Variants in MAST4 observed in about 807,000 individuals in gnomAD.
MAST4 encodes the protein microtubule associated serine/threonine kinase family member 4.
A neutral mutation model predicts 162.7 loss-of-function variants in MAST4; 89 were observed. The observed-to-expected ratio is 0.55, with a 90% CI of 0.46 to 0.65. The LOEUF is 0.65. Ranked by LOEUF, MAST4 falls within the 30% of genes least tolerant of loss-of-function variation. MAST4 has a pLI of 0.00. For synonymous variants in MAST4, 1,479 were observed against 1,361.1 expected (o/e 1.09, Z -1.91); for missense variants, 3,153 against 3,374.0 (o/e 0.93, Z 1.62).
Position 67,152,688 on chromosome 5 carries a change from C to T in MAST4, c.3347C>T (p.Ser1116Phe). 1 of 1,614,068 alleles carries T rather than the reference C, an allele frequency of 6.2e-7. No individual in the cohort carries two copies. Among genetic ancestry groups the T allele is most frequent in the Non-Finnish European group, 8.5e-7 (1 of 1,179,908 alleles). ...AGTCCAATGTCTCCCCATTCCCTGTCCTCGGACCCTTCTTCTTCACGAGAT... is the reference window on the plus strand; with the variant it reads ...AGTCCAATGTCTCCCCATTCCCTGTTCTCGGACCCTTCTTCTTCACGAGAT... Reference protein sequence around the residue: ...LGSPMSPHSLSSDPSSSRDSS... With the variant: ...LGSPMSPHSLFSDPSSSRDSS... The change falls in exon 25 of 29, where the codon TCC becomes TTC. Residue 1116 changes from serine (S) to phenylalanine (F), a missense_variant. Ser to Phe is a radical substitution (Grantham distance 155). Coordinates refer to ENST00000403625, the MANE Select transcript of MAST4 (RefSeq NM_001164664.2).
At chr5:66,914,844 A>C (rs1026992383) in intron 4 of MAST4, among the ~76,000 whole-genome samples, 5 of 152,130 alleles carry the variant, frequency 3.3e-5, no homozygotes, top group Admixed American at 6.5e-5. Flanking sequence ...ACTGTCTTCT[A>C]GTGGAGAGAG....
chr5:66,725,974 G>A lies in MAST4; in HGVS notation c.364-33735G>A, dbSNP rs182755549. 5.8e-3 allele frequency among the ~76,000 whole-genome samples: 883 copies of A among 152,178 alleles called. 8 individuals carry two copies. The highest frequency in any genetic ancestry group is 0.057 in the South Asian group (274 of 4,828). On this transcript the variant is annotated intron_variant, in intron 1 of 28. Transcript: ENST00000403625. The stretch of plus-strand genomic sequence containing the variant: ...AATAATTTAGCTGGCATTCCTGGTT[G>A]TGGAGATACACACAAACTAGATAAT...
At chr5:67,144,402 G>A (rs985113125) in intron 21 of MAST4, among the ~76,000 whole-genome samples, 25 of 151,932 alleles carry the variant, frequency 1.6e-4, no homozygotes, top group Admixed American at 6.6e-4. Flanking sequence ...TACAAAGTCC[G>A]CAACAAGATA....
chr5:66,921,527 C>T (rs190166104), intron 4 of MAST4, among the ~76,000 whole-genome samples: 1 of 152,262 alleles, frequency 6.6e-6, no homozygotes, highest in African/African-American at 2.4e-5. Context: ...AAGGCCGAGT[C>T]AGGCAGATCA....
At chr5:67,040,636 T>C (rs1756630335) in intron 4 of MAST4, among the ~76,000 whole-genome samples, 1 of 152,236 alleles carries the variant, frequency 6.6e-6, no homozygotes, top group Non-Finnish European at 1.5e-5. Flanking sequence ...CTCTTGTACC[T>C]GACCCTCATG....
At chr5:66,742,297 A>G (rs1752518403) in intron 1 of MAST4, among the ~76,000 whole-genome samples, 2 of 152,150 alleles carry the variant, frequency 1.3e-5, no homozygotes, top group South Asian at 2.1e-4. Context: ...CGAGGCGGCC[A>G]CTGGTTGGCA....
intron 1 of MAST4, among the ~76,000 whole-genome samples, chr5:66,681,024 T>C (rs1310555670): frequency 6.6e-6 from 1 of 152,160 alleles, no homozygotes; most frequent in Non-Finnish European, 1.5e-5. Context: ...ATGATTCCAC[T>C]CCAGAAGGTA....
chr5:66,914,071 C>A (rs1763946598), intron 4 of MAST4, among the ~76,000 whole-genome samples: 3 of 151,876 alleles, frequency 2.0e-5, no homozygotes, highest in Non-Finnish European at 4.4e-5. Context: ...CAACTTTGTT[C>A]ATCTTTTTTC....
intron 2 of MAST4, among the ~76,000 whole-genome samples, chr5:66,774,371 A>T (rs891333761): frequency 1.3e-5 from 2 of 152,194 alleles, no homozygotes; most frequent in African/African-American, 2.4e-5. Flanking sequence ...CAGTAAACAA[A>T]GGGGGGAATA....
chr5:67,034,007 A>G (rs1755705303), intron 4 of MAST4, among the ~76,000 whole-genome samples: 1 of 152,200 alleles, frequency 6.6e-6, no homozygotes, highest in Non-Finnish European at 1.5e-5. Flanking sequence ...TACTCTTTAC[A>G]GCAGACCACA....
rs1774344967 is a variant in MAST4, at chr5:67,169,062, A to G, written c.*2011A>G. On this transcript the variant is annotated 3_prime_UTR_variant, in exon 29 of 29. Transcript: ENST00000403625. ...GATTTCAAAACTGGTCTCAACGTTT[A>G]TAATACATATCTGTGTTTGGCAGTT... is the stretch of plus-strand genomic sequence containing the variant. The G allele has an allele frequency of 6.6e-6, 1 of 152,180 alleles. No homozygotes were observed. The highest frequency in any genetic ancestry group is 2.1e-4 in the South Asian group (1 of 4,832). 9.4% of individuals were successfully genotyped at this position (152,180 alleles called of 1,614,324 possible).
chr5:66,876,408 G>A (rs2149889725), intron 3 of MAST4, among the ~76,000 whole-genome samples: 1 of 152,222 alleles, frequency 6.6e-6, no homozygotes, highest in Admixed American at 6.5e-5. Context: ...GTTGGGCCAG[G>A]AGATAGGGGA....
intron 12 of MAST4, among the ~76,000 whole-genome samples, chr5:67,115,868 TTTTAA>T (rs1426203956): frequency 3.3e-5 from 5 of 152,276 alleles, no homozygotes; most frequent in East Asian, 1.9e-4. Context: ...CAGAACCATC[TTTTAA>T]TTTGTTTTTT....
chr5:66,710,422 T>C (rs572453128), intron 1 of MAST4, among the ~76,000 whole-genome samples: 1 of 152,308 alleles, frequency 6.6e-6, no homozygotes, highest in Non-Finnish European at 1.5e-5. Context: ...CCTTGTTAGA[T>C]GGCTGGGATT....
In MAST4 at chr5:67,110,179, G is replaced by T. The variant is rs1240467916; in HGVS notation, c.1438G>T (p.Ala480Ser). 6.2e-7 allele frequency: 1 copy of T among 1,613,032 alleles called. No homozygotes were observed. The highest frequency in any genetic ancestry group is 1.3e-5 in the African/African-American group (1 of 74,878). ...GATCCTAATTGTTATTGCCCGCCCT[G>T]CTCGGTTATTAGAGTGCCTGGTAAG... is the stretch of plus-strand genomic sequence containing the variant. The part of the protein sequence containing the change: ...RKILIVIARP[A>S]RLLECLEFDP... The change falls in exon 11 of 29, where the codon GCT becomes TCT. Residue 480 changes from alanine (A) to serine (S), a missense_variant. By Grantham distance (99) the Ala-to-Ser change is moderately conservative. Coordinates refer to ENST00000403625, the MANE Select transcript of MAST4 (RefSeq NM_001164664.2).
intron 4 of MAST4, chr5:66,986,499 T>C (rs1749511515): frequency 1.3e-6 from 2 of 1,564,688 alleles, no homozygotes; most frequent in African/African-American, 2.7e-5. Context: ...TGCCACCACA[T>C]TAAATAAAAC....
At chr5:66,634,576 C>T (rs990345271) in intron 1 of MAST4, among the ~76,000 whole-genome samples, 7 of 152,102 alleles carry the variant, frequency 4.6e-5, no homozygotes, top group African/African-American at 1.7e-4. Flanking sequence ...CTGATTTCTT[C>T]CCTCGTAGAA....
At chr5:66,682,556 A>G (rs4700147) in intron 1 of MAST4, among the ~76,000 whole-genome samples, 115,869 of 152,118 alleles carry the variant, frequency 0.76, 45,324 homozygotes, top group African/African-American at 0.93. Context: ...GACAGTAGTA[A>G]GGACTATCCT....
At chr5:66,714,310 C>G (rs777137026) in intron 1 of MAST4, among the ~76,000 whole-genome samples, 2 of 152,204 alleles carry the variant, frequency 1.3e-5, no homozygotes, top group Non-Finnish European at 2.9e-5. Context: ...TCACTAGCCA[C>G]CAGTCTCTGT....
Sources: gnomAD v4.1 joint callset for allele counts (sites outside exome capture counted in the v4.1 genomes callset) on GRCh38, gnomAD v4.1.1 for gene constraint, MANE v1.5 for transcripts, NCBI Gene and HGNC (gene_info 2026-07-23, HGNC 2026-07-21) for gene names.